Variants in PBRM1 observed in about 807,000 individuals in gnomAD.
PBRM1 encodes protein polybromo-1.
In PBRM1, 27 loss-of-function variants were observed where a neutral mutation model predicts 194.5. The ratio of observed to expected loss-of-function variants is 0.14; its 90% CI spans 0.10 to 0.19. PBRM1 has a LOEUF of 0.19. Ranked by LOEUF, PBRM1 falls within the 10% of genes least tolerant of loss-of-function variation. The pLI is 1.00. For missense variants in PBRM1, 1,466 were observed against 2,077.2 expected, an observed-to-expected ratio of 0.71 and a Z score of 5.72; for synonymous variants, 655 against 693.2, an observed-to-expected ratio of 0.94 and a Z score of 0.87.
chr3:52,562,711 T>A (rs1006370096), intron 24 of PBRM1, among the ~76,000 whole-genome samples: 2 of 152,008 alleles, frequency 1.3e-5, no homozygotes, highest in Non-Finnish European at 2.9e-5. Flanking sequence ...GCCTAATTTT[T>A]AAAATTTTTA....
intron 12 of PBRM1, among the ~76,000 whole-genome samples, chr3:52,628,585 C>T (rs1443144854): frequency 3.3e-5 from 5 of 151,874 alleles, no homozygotes; most frequent in East Asian, 1.9e-4. Flanking sequence ...ACCCTCCCAC[C>T]GCAGCCTCCT....
At chr3:52,615,376 G>A in exon 15 of PBRM1, 1 of 1,609,586 alleles carries the variant, frequency 6.2e-7, no homozygotes, top group African/African-American at 1.3e-5. Flanking sequence ...GAGAAGCCAT[G>A]TCATCATCAT....
At chr3:52,652,102 G>T (rs1369767666) in intron 5 of PBRM1, among the ~76,000 whole-genome samples, 1 of 152,208 alleles carries the variant, frequency 6.6e-6, no homozygotes, top group Non-Finnish European at 1.5e-5. Flanking sequence ...TCTAGGCTGG[G>T]GCCGGGTGCG....
intron 22 of PBRM1, among the ~76,000 whole-genome samples, chr3:52,575,311 T>C (rs1414582004): frequency 6.6e-6 from 1 of 151,948 alleles, no homozygotes; most frequent in East Asian, 1.9e-4. Context: ...GAACAAAGCC[T>C]GAGGATGGGG....
chr3:52,646,363 A>G (rs1463773047), intron 7 of PBRM1, among the ~76,000 whole-genome samples: 5 of 152,226 alleles, frequency 3.3e-5, no homozygotes, highest in Non-Finnish European at 1.5e-5. Flanking sequence ...TCTACAAGCA[A>G]TTATTCATTA....
exon 29 of PBRM1, chr3:52,550,517 T>G (rs2153373559): frequency 6.3e-7 from 1 of 1,581,172 alleles, no homozygotes; most frequent in Non-Finnish European, 8.6e-7. Flanking sequence ...AGCCGCTGGG[T>G]CTTTGGTGGG....
intron 12 of PBRM1, 97 bp downstream of exon 13, chr3:52,628,797 G>A (rs1406021077): frequency 3.1e-5 from 34 of 1,079,766 alleles, no homozygotes; most frequent in Non-Finnish European, 4.8e-5. Flanking sequence ...ACTGCTGAGG[G>A]TGGGGGGGAT....
At chr3:52,555,695 T>A (rs1249580760) in intron 26 of PBRM1, among the ~76,000 whole-genome samples, 1 of 152,258 alleles carries the variant, frequency 6.6e-6, no homozygotes, top group Non-Finnish European at 1.5e-5. Context: ...ATATAAACCT[T>A]AACAGGGAGC....
At chr3:52,577,550 C>T (rs1354417376) in intron 21 of PBRM1, among the ~76,000 whole-genome samples, 5 of 151,558 alleles carry the variant, frequency 3.3e-5, no homozygotes, top group African/African-American at 9.7e-5. Flanking sequence ...TCCATATTAT[C>T]GTGATTCCTG....
At chr3:52,553,590 G>A (rs1034498824) in intron 27 of PBRM1, among the ~76,000 whole-genome samples, 5 of 150,284 alleles carry the variant, frequency 3.3e-5, no homozygotes, top group Admixed American at 6.6e-5. Flanking sequence ...CCCAGGCTCA[G>A]GTAATTCTCC....
intron 11 of PBRM1, 110 bp downstream of exon 12, chr3:52,634,492 A>C (rs542661251): frequency 1.5e-4 from 112 of 739,472 alleles, no homozygotes; most frequent in African/African-American, 1.2e-3. Flanking sequence ...TTAAAAAAAA[A>C]CACCATTTTT....
chr3:52,619,212 A>C (rs1399945767), intron 13 of PBRM1, among the ~76,000 whole-genome samples: 1 of 152,194 alleles, frequency 6.6e-6, no homozygotes, highest in Non-Finnish European at 1.5e-5. Flanking sequence ...TTCTATTAAA[A>C]AAATATTTAC....
chr3:52,650,557 A>G (rs1452522366), intron 6 of PBRM1, among the ~76,000 whole-genome samples: 1 of 152,120 alleles, frequency 6.6e-6, no homozygotes, highest in Non-Finnish European at 1.5e-5. Context: ...TCATTTCTCA[A>G]TGAAACTATG....
At chr3:52,676,967 C>T (rs879750721) in intron 2 of PBRM1, among the ~76,000 whole-genome samples, 1 of 152,154 alleles carries the variant, frequency 6.6e-6, no homozygotes, top group Non-Finnish European at 1.5e-5. Context: ...GGGTATCTGG[C>T]AGAAGAAACT....
At chr3:52,646,636 TTC>T (rs2096297522) in intron 7 of PBRM1, among the ~76,000 whole-genome samples, 3 of 46,120 alleles carry the variant, frequency 6.5e-5, no homozygotes, top group Non-Finnish European at 1.3e-4. Flanking sequence ...GCCAAGACAA[TTC>T]AAGACAATTC....
chr3:52,585,144 A>G (rs1465315300), intron 20 of PBRM1, among the ~76,000 whole-genome samples: 1 of 152,208 alleles, frequency 6.6e-6, no homozygotes, highest in African/African-American at 2.4e-5. Flanking sequence ...TTTTCCCCCA[A>G]GTAATTTTTG....
At chr3:52,637,425 C>A (rs997368588) in intron 10 of PBRM1, among the ~76,000 whole-genome samples, 9 of 151,940 alleles carry the variant, frequency 5.9e-5, no homozygotes, top group Admixed American at 2.0e-4. Flanking sequence ...TGAGCTCAGG[C>A]GTTTGAGACC....
At chr3:52,591,365 T>C (rs1413468949) in intron 17 of PBRM1, among the ~76,000 whole-genome samples, 2 of 152,198 alleles carry the variant, frequency 1.3e-5, no homozygotes, top group Non-Finnish European at 2.9e-5. Context: ...CAGCTTTTGG[T>C]TATTTCAGCA....
intron 16 of PBRM1, among the ~76,000 whole-genome samples, chr3:52,604,002 A>G (rs1428188741): frequency 6.6e-6 from 1 of 152,148 alleles, no homozygotes; most frequent in Non-Finnish European, 1.5e-5. Flanking sequence ...TTTCTCTTGG[A>G]GATATATGGC....
Sources: gnomAD v4.1 joint callset for allele counts (sites outside exome capture counted in the v4.1 genomes callset) on GRCh38, gnomAD v4.1.1 for gene constraint, MANE v1.5 for transcripts, NCBI Gene and HGNC (gene_info 2026-07-23, HGNC 2026-07-21) for gene names.